The following SZT2 variants were observed in gnomAD, a reference collection of about 807,000 sequenced individuals.
SZT2 encodes KICSTOR complex protein SZT2.
SZT2 carries 216 observed loss-of-function variants against 404.2 expected under a neutral mutation model. The ratio of observed to expected loss-of-function variants is 0.53; its 90% CI spans 0.48 to 0.60. SZT2 has a LOEUF of 0.60. Ranked by LOEUF, SZT2 falls within the 20% of genes least tolerant of loss-of-function variation. The pLI is 0.00. For missense variants in SZT2, 3,857 were observed against 4,459.2 expected (o/e 0.86, Z 3.85); for synonymous variants, 1,693 against 1,749.9 (o/e 0.97, Z 0.81).
In SZT2 at chr1:43,431,510, C is replaced by A. The variant is rs149831634; in HGVS notation, c.5075C>A (p.Thr1692Asn). ...LATPHRLAIE[T>N]TMNEIRWLLE... ...ACGCCCCACAGACTGGCTATTGAGA[C>A]CACCATGAATGAGGTGAGCCCCCCA... Residue 1692 changes from threonine (T) to asparagine (N), a missense_variant, in exon 35 of 72, where the codon ACC (threonine) becomes AAC (asparagine). This residue lies in a region of SZT2 where 1,725 missense variants were observed against 1,881.0 expected (regional missense o/e 0.92). Transcript: ENST00000634258. The A allele has an allele frequency of 3.7e-6, 6 of 1,614,052 alleles. No homozygotes were observed. The Admixed American group carries it at 1.0e-4, about 27-fold the overall frequency.
chr1:43,426,420 G>A lies in SZT2; in HGVS notation c.3096G>A (p.Val1032=). Residue 1032 remains valine (V), a synonymous_variant, in exon 22 of 72, where the codon GTG becomes GTA. Coordinates refer to ENST00000634258, the MANE Select transcript of SZT2 (RefSeq NM_001365999.1). This position sits in a 1 kb window ranked among gnomAD's most constrained non-coding sequence, Gnocchi z 4.9. ...AEGSCPANDM[V]LCLLHSCLGQ... is the part of the protein sequence containing the mutation. ...GGTCCTGTCCTGCCAACGACATGGT[G>A]CTGTGCCTGCTGCACAGCTGCCTGG... is the stretch of plus-strand genomic sequence containing the variant. The A allele has an allele frequency of 1.3e-6, 2 of 1,593,808 alleles. No homozygotes were observed. The highest frequency in any genetic ancestry group is 1.7e-6 in the Non-Finnish European group (2 of 1,177,836).
chr1:43,403,653 A>AGCCAGATGAACCAGTGGTCCCAAG lies in SZT2; in HGVS notation c.211_234dup (p.Asp71_Pro78dup). On this transcript the variant is annotated inframe_insertion, in exon 3 of 72. Transcript: ENST00000634258. The stretch of plus-strand genomic sequence containing the variant: ...CTCAGTGTCCTGCCCCCTGGGTGGC[A>AGCCAGATGAACCAGTGGTCCCAAG]GCCAGATGAACCAGTGGTCCCAAGG... 6.2e-7 allele frequency: 1 copy of AGCCAGATGAACCAGTGGTCCCAAG among 1,614,210 alleles called. No homozygotes were observed. Among genetic ancestry groups the AGCCAGATGAACCAGTGGTCCCAAG allele is most frequent in the South Asian group, 1.1e-5 (1 of 91,080 alleles).
intron 1 of SZT2, among the ~76,000 whole-genome samples, chr1:43,399,987 G>A (rs1459235469): frequency 6.6e-6 from 1 of 152,074 alleles, no homozygotes; most frequent in Non-Finnish European, 1.5e-5. Context: ...TGCCCAGGCT[G>A]GAGTGCAGTG....
At chr1:43,412,995 A>G (rs933847219) in intron 4 of SZT2, among the ~76,000 whole-genome samples, 11 of 152,228 alleles carry the variant, frequency 7.2e-5, no homozygotes, top group Non-Finnish European at 1.6e-4. Flanking sequence ...TTTTTATCCA[A>G]AAGACAGGCA....
intron 7 of SZT2, among the ~76,000 whole-genome samples, chr1:43,418,655 A>G (rs910260415): frequency 2.6e-5 from 4 of 152,266 alleles, no homozygotes; most frequent in Admixed American, 6.5e-5. Context: ...AATAGAGGCT[A>G]TGATCGTAGT....
intron 7 of SZT2, among the ~76,000 whole-genome samples, chr1:43,418,539 C>G (rs1488546621): frequency 6.6e-6 from 1 of 152,160 alleles, no homozygotes; most frequent in African/African-American, 2.4e-5. Flanking sequence ...GAAGAAGGAA[C>G]AGTATTAAGG....
At chr1:43,433,865 T>C (rs903369931) in intron 40 of SZT2, among the ~76,000 whole-genome samples, 11 of 152,236 alleles carry the variant, frequency 7.2e-5, no homozygotes, top group African/African-American at 2.7e-4. Flanking sequence ...AATCCACTCA[T>C]TTATCTACAT....
rs1053759670 is a variant in SZT2, at chr1:43,421,112, G to A, written c.1497-62G>A. 12 of 1,596,702 alleles carry A rather than the reference G, an allele frequency of 7.5e-6. No homozygotes were observed. The Admixed American group carries it at 1.7e-4, about 22-fold the overall frequency. ...TATCCAGGGTCCCATGTCCCCCTAAGGCTCCCCTCATCTGCACCCAGCAGA... is the reference window on the plus strand; with the variant it reads ...TATCCAGGGTCCCATGTCCCCCTAAAGCTCCCCTCATCTGCACCCAGCAGA... On this transcript the variant is annotated intron_variant, in intron 10 of 71. Transcript: ENST00000634258.
chr1:43,447,393 C>G, intron 66 of SZT2, 152 bp from the exon 67 acceptor site: 1 of 1,167,400 alleles, frequency 8.6e-7, no homozygotes, highest in East Asian at 2.5e-5. Flanking sequence ...TGTCCCATCT[C>G]AGTGTTCCAC....
At position 43,426,261 on chromosome 1, in the gene SZT2, G is replaced by T; in HGVS notation, c.3044-107G>T. On this transcript the variant is annotated intron_variant, in intron 21 of 71. Transcript: ENST00000634258. The surrounding 1 kb of genome is among the most constrained non-coding windows in gnomAD (Gnocchi z 4.9). Reference sequence around the variant, plus strand: ...GCAAGTGAGCAGATGAGTGGTGGGGGCAGGAGGAGCCCATGAGGCTGAAGG... The same window carrying T: ...GCAAGTGAGCAGATGAGTGGTGGGGTCAGGAGGAGCCCATGAGGCTGAAGG... 1 of 1,491,644 alleles carries T rather than the reference G, an allele frequency of 6.7e-7. No individual in the cohort carries two copies. 92.4% of individuals were successfully genotyped at this position (1,491,644 alleles called of 1,614,324 possible).
chr1:43,448,388 T>G lies in SZT2; in HGVS notation c.9873T>G (p.Asp3291Glu). ...RLFLLEPPGPDRLRLGGRLAL... is the reference protein window; with the variant it reads ...RLFLLEPPGPERLRLGGRLAL... ...TCTTGCTGGAGCCACCGGGGCCTGATCGACTGCGGCTAGGGGGGCGCCTGG... is the reference window on the plus strand; with the variant it reads ...TCTTGCTGGAGCCACCGGGGCCTGAGCGACTGCGGCTAGGGGGGCGCCTGG... The change falls in exon 69 of 72, where the codon GAT becomes GAG. Residue 3291 changes from aspartate to glutamate, a missense_variant. Transcript: ENST00000634258. This position sits in a 1 kb window ranked among gnomAD's most constrained non-coding sequence, Gnocchi z 4.2. The G allele has an allele frequency of 6.4e-7, 1 of 1,567,082 alleles. No individual in the cohort carries two copies. Among genetic ancestry groups the G allele is most frequent in the South Asian group, 1.2e-5 (1 of 86,424 alleles).
chr1:43,419,147 G>A (rs1652042541), intron 7 of SZT2, among the ~76,000 whole-genome samples: 1 of 152,236 alleles, frequency 6.6e-6, no homozygotes, highest in South Asian at 2.1e-4. Flanking sequence ...GTTGAAGCGT[G>A]AAAGCAGCCA....
In SZT2 at chr1:43,450,184, G is replaced by C. The variant is rs370108761; in HGVS notation, c.10155+13G>C. 14 of 1,613,948 alleles carry C rather than the reference G, an allele frequency of 8.7e-6. No homozygotes were observed. The highest frequency in any genetic ancestry group is 5.5e-5 in the South Asian group (5 of 91,078). ...CTTAGGAAAGACGGTAAGAACGAGT[G>C]GGGGGCTTTGTGTCAGCCTCATGGG... On this transcript the variant is annotated intron_variant, in intron 71 of 71. Coordinates refer to ENST00000634258, the MANE Select transcript of SZT2 (RefSeq NM_001365999.1). This position sits in a 1 kb window ranked among gnomAD's most constrained non-coding sequence, Gnocchi z 4.3.
At chr1:43,415,435 G>T (rs1245235670) in intron 5 of SZT2, among the ~76,000 whole-genome samples, 2 of 152,144 alleles carry the variant, frequency 1.3e-5, no homozygotes, top group Non-Finnish European at 2.9e-5. Context: ...AAATCCATTT[G>T]TTTGCATTTT....
rs886850652 is a variant in SZT2, at chr1:43,445,187, TA to T, written c.8826-696del. On this transcript the variant is annotated intron_variant, in intron 62 of 71. Transcript: ENST00000634258. ...ATCTGAATTCCTTTAGACACTGGGT[TA>T]AAAAAAAAAATGTTTCTACAGCAAA... 57 of 148,234 alleles carry T rather than the reference TA, an allele frequency of 3.8e-4. 1 individual carries two copies. Among genetic ancestry groups the T allele is most frequent in the South Asian group, 1.1e-3 (5 of 4,714 alleles). 9.2% of individuals were successfully genotyped at this position (148,234 alleles called of 1,614,324 possible).
At chr1:43,403,060 C>A in intron 1 of SZT2, 117 bp from the exon 2 acceptor site, 2 of 1,103,528 alleles carry the variant, frequency 1.8e-6, no homozygotes, top group Non-Finnish European at 2.7e-6. Context: ...TTCACTTCTG[C>A]TGTTTTCCCT....
Position 43,422,839 on chromosome 1 carries a change from C to T in SZT2, c.1993C>T (p.Arg665Cys), listed in dbSNP as rs751054889. Residue 665 changes from arginine (R) to cysteine (C), a missense_variant, in exon 14 of 72, where the codon CGC becomes TGC. Transcript: ENST00000634258. ...IISKAPCMVL[R>C]LGFPIGTPAP... ...TTCCAAGGCCCCATGCATGGTTCTTCGCCTGGGTTTTCCCATTGGCACACC... is the reference window on the plus strand; with the variant it reads ...TTCCAAGGCCCCATGCATGGTTCTTTGCCTGGGTTTTCCCATTGGCACACC... 7.5e-6 allele frequency: 12 copies of T among 1,593,342 alleles called. No homozygotes were observed. In the South Asian group the frequency reaches 1.0e-4, roughly 13 times the overall value.
In SZT2 at chr1:43,441,560, C is replaced by G. The variant is rs1372989650; in HGVS notation, c.7568C>G (p.Ala2523Gly). ...GTGGGGACCCTTCATCCTGTGTTTG[C>G]CCGTGTTGCTCAGCGCTGGATGGAG... ...GEVGTLHPVFARVAQRWMEFM... is the reference protein window; with the variant it reads ...GEVGTLHPVFGRVAQRWMEFM... The change falls in exon 54 of 72, where the codon GCC becomes GGC. Residue 2523 changes from alanine (A) to glycine (G), a missense_variant. Ala to Gly is a moderately conservative substitution (Grantham distance 60). Around this residue, in one of 7 missense-constraint regions of SZT2, gnomAD observed 573 missense variants for 592.4 expected, o/e 0.97. Transcript: ENST00000634258. This position sits in a 1 kb window ranked among gnomAD's most constrained non-coding sequence, Gnocchi z 4.8. 1 of 1,614,148 alleles carries G rather than the reference C, an allele frequency of 6.2e-7. No homozygotes were observed. Among genetic ancestry groups the G allele is most frequent in the Middle Eastern group, 1.6e-4 (1 of 6,062 alleles).
At chr1:43,435,433 A>C (rs1298605909) in intron 42 of SZT2, 104 bp downstream of exon 42, 1 of 1,323,350 alleles carries the variant, frequency 7.6e-7, no homozygotes, top group Admixed American at 2.1e-5. Context: ...TTACTTGGTC[A>C]TCAGTGCCAA....
Sources: allele counts gnomAD v4.1 joint callset (sites outside exome capture counted in the v4.1 genomes callset), GRCh38; gene constraint gnomAD v4.1.1; regional missense constraint gnomAD v4.1.1; non-coding constraint Gnocchi (gnomAD v3.1); transcripts MANE v1.5; gene names NCBI Gene and HGNC (gene_info 2026-07-23, HGNC 2026-07-21).